The following ARX variants were observed in gnomAD, a reference collection of about 807,000 sequenced individuals.
ARX encodes homeobox protein ARX.
A neutral mutation model predicts 23.1 loss-of-function variants in ARX; 1 was observed. The observed-to-expected ratio is 0.04, with a 90% CI of 0.02 to 0.21. ARX has a LOEUF of 0.21. ARX is among the 10% of genes least tolerant of loss of function. The pLI, the probability that ARX is intolerant of heterozygous loss-of-function variation, is 1.00. For synonymous variants in ARX, 301 were observed against 270.1 expected (o/e 1.11, Z -1.12); for missense variants, 380 against 527.5 (o/e 0.72, Z 2.74).
Position 25,013,525 on chromosome X carries a change from T to C in ARX, c.470A>G (p.Asp157Gly). ...AAAAAAAAAW[D>G]TLKISQAPQV... is the part of the protein sequence containing the mutation. ...CGGCGCCTGGCTGATCTTGAGCGTG[T>C]CCCAGGCCGCGGCGGCCGCGGCCGC... Residue 157 changes from aspartate to glycine, a missense_variant, in exon 2 of 5, where the codon GAC becomes GGC. Transcript: ENST00000379044. 2 of 785,394 alleles carry C rather than the reference T, an allele frequency of 2.5e-6. No individual in the cohort carries two copies. The highest frequency in any genetic ancestry group is 3.0e-6 in the Non-Finnish European group (2 of 659,394). The allele number at this position is 785,394 out of a possible 1,213,427, so 64.7% of individuals were successfully genotyped here. A position where few individuals can be genotyped will look rare whatever the true frequency, so the allele number is the denominator to read the frequency against.
At chrX:25,012,812 C>A in intron 2 of ARX, 110 bp downstream of exon 2, 1 of 1,150,813 alleles carries the variant, frequency 8.7e-7, no homozygotes. Context: ...CCACAGAGTC[C>A]AGGAGCCAAG....
rs774538294 is a variant in ARX, at chrX:25,007,233, C to T, written c.1326G>A (p.Pro442=). 7.1e-6 allele frequency: 8 copies of T among 1,134,282 alleles called. No homozygotes were observed. The Middle Eastern group carries it at 1.0e-3, about 142-fold the overall frequency. The allele number at this position is 1,134,282 out of a possible 1,213,427, so 93.5% of individuals were successfully genotyped here. A position where few individuals can be genotyped will look rare whatever the true frequency, so the allele number is the denominator to read the frequency against. The part of the protein sequence containing the change: ...AAAAAAAAAF[P]SLPPPPGSAS... Reference sequence around the variant, plus strand: ...CCGAGCCCGGAGGCGGAGGTAGGCTCGGGAAGGCGGCGGCGGCGGCGGCGG... The same window carrying T: ...CCGAGCCCGGAGGCGGAGGTAGGCTTGGGAAGGCGGCGGCGGCGGCGGCGG... The change falls in exon 4 of 5, where the codon CCG becomes CCA. Residue 442 remains proline, a synonymous_variant. Coordinates refer to ENST00000379044, the MANE Select transcript of ARX (RefSeq NM_139058.3).
intron 2 of ARX, among the ~76,000 whole-genome samples, chrX:25,010,947 C>T (rs7058318): frequency 0.018 from 2,018 of 111,140 alleles, 46 homozygotes; most frequent in African/African-American, 0.063. Context: ...CAAAATTCTG[C>T]GCACCTCCTG....
At chrX:25,015,225 A>AC (rs2048721672) in intron 1 of ARX, among the ~76,000 whole-genome samples, 1 of 111,867 alleles carries the variant, frequency 8.9e-6, no homozygotes, top group South Asian at 3.8e-4. Flanking sequence ...CCGGCCATCT[A>AC]CTGTTTCTGA....
intron 2 of ARX, among the ~76,000 whole-genome samples, chrX:25,011,351 C>T (rs929197936): frequency 9.0e-6 from 1 of 111,424 alleles, no homozygotes; most frequent in African/African-American, 3.3e-5. Context: ...GGGCTCAAAC[C>T]CCTGGGTTGG....
At chrX:25,010,557 A>T (rs1402278232) in intron 2 of ARX, among the ~76,000 whole-genome samples, 2 of 111,368 alleles carry the variant, frequency 1.8e-5, no homozygotes, top group Non-Finnish European at 3.8e-5. Context: ...TTCGTGTGTG[A>T]CAACCAAGGG....
At position 25,013,768 on chromosome X, in the gene ARX, T is replaced by C. The variant is rs2147324478; in HGVS notation, c.227A>G (p.Glu76Gly). 1.1e-6 allele frequency: 1 copy of C among 928,947 alleles called. No individual in the cohort carries two copies. The highest frequency in any genetic ancestry group is 1.3e-6 in the Non-Finnish European group (1 of 750,125). The allele number at this position is 928,947 out of a possible 1,213,427, so 76.6% of individuals were successfully genotyped here. The change falls in exon 2 of 5, where the codon GAG (glutamate) becomes GGG (glycine). Residue 76 changes from glutamate (E) to glycine (G), a missense_variant. Glu to Gly is a moderately conservative substitution (Grantham distance 98). Coordinates refer to ENST00000379044, the MANE Select transcript of ARX (RefSeq NM_139058.3). ...CTTGGGCGGCAGGTGCAGCTCGGCC[T>C]CGAACGGGGCGCTGCTGCTCTTAGG... ...GSPKSSSAPF[E>G]AELHLPPKLR...
rs2048725544 is a variant in ARX at position 25,015,889 on chromosome X, C to A, written c.-152G>T. ...TGTGCCTTTCTGCCTCCCTTGGTTG[C>A]CGGCTGCCGGCTCCCGCCCTGCCCG... is the stretch of plus-strand genomic sequence containing the variant. On this transcript the variant is annotated 5_prime_UTR_variant, in exon 1 of 5. Coordinates refer to ENST00000379044, the MANE Select transcript of ARX (RefSeq NM_139058.3). 1.6e-6 allele frequency: 1 copy of A among 634,515 alleles called. No homozygotes were observed. The highest frequency in any genetic ancestry group is 2.5e-6 in the Non-Finnish European group (1 of 406,922). The allele number at this position is 634,515 out of a possible 1,213,427, so 52.3% of individuals were successfully genotyped here.
At position 25,013,659 on chromosome X, in the gene ARX, TGCCGCCGCCGCCGCCGCCGCC is replaced by T. The variant is rs387906492; in HGVS notation, c.315_335del (p.Ala109_Ala115del). On this transcript the variant is annotated inframe_deletion, in exon 2 of 5. Coordinates refer to ENST00000379044, the MANE Select transcript of ARX (RefSeq NM_139058.3). Reference sequence around the variant, plus strand: ...GACCCGCCGTGGCCGTGGCGGCCGCTGCCGCCGCCGCCGCCGCCGCCGCCGCCGCCGCTGCCGCACCCTGAA... The same window carrying T: ...GACCCGCCGTGGCCGTGGCGGCCGCTGCCGCCGCCGCTGCCGCACCCTGAA... 1.3e-6 allele frequency: 1 copy of T among 772,467 alleles called. No individual in the cohort carries two copies. The highest frequency in any genetic ancestry group is 1.5e-6 in the Non-Finnish European group (1 of 654,316). The allele number at this position is 772,467 out of a possible 1,213,427, so 63.7% of individuals were successfully genotyped here.
intron 1 of ARX, 39 bp downstream of exon 1, chrX:25,015,503 C>G (rs2048723001): frequency 2.5e-6 from 3 of 1,195,823 alleles, no homozygotes; most frequent in South Asian, 1.8e-5. Context: ...AAATCAGGGC[C>G]CAATGCCCTT....
intron 2 of ARX, among the ~76,000 whole-genome samples, chrX:25,011,461 G>A (rs1010363575): frequency 1.1e-4 from 12 of 113,310 alleles, no homozygotes. Flanking sequence ...AAGGGCGGAC[G>A]TGGATGCCAA....
intron 2 of ARX, among the ~76,000 whole-genome samples, chrX:25,012,552 C>T (rs1369258900): frequency 8.8e-6 from 1 of 113,101 alleles, no homozygotes; most frequent in Non-Finnish European, 1.9e-5. Flanking sequence ...GGGACCGCAG[C>T]TCCGGAGGCC....
At chrX:25,005,010 C>T (rs1216532958) in intron 4 of ARX, 100 bp from the exon 5 acceptor site, 9 of 1,010,424 alleles carry the variant, frequency 8.9e-6, no homozygotes, top group Admixed American at 5.1e-5. Context: ...CTGAGGGGCG[C>T]GGTACCCACG....
At chrX:25,014,479 G>A (rs2048717729) in intron 1 of ARX, among the ~76,000 whole-genome samples, 1 of 112,965 alleles carries the variant, frequency 8.9e-6, no homozygotes, top group Non-Finnish European at 1.9e-5. Flanking sequence ...CGGCCCTGTG[G>A]CCCCAAGTGC....
Position 25,004,867 on chromosome X carries a change from C to T in ARX, c.1492G>A (p.Ala498Thr). 8.7e-7 allele frequency: 1 copy of T among 1,148,025 alleles called. No homozygotes were observed. Among genetic ancestry groups the T allele is most frequent in the Admixed American group, 2.7e-5 (1 of 36,548 alleles). The allele number at this position is 1,148,025 out of a possible 1,213,427, so 94.6% of individuals were successfully genotyped here. A position where few individuals can be genotyped will look rare whatever the true frequency, so the allele number is the denominator to read the frequency against. Residue 498 changes from alanine to threonine, a missense_variant, in exon 5 of 5, where the codon GCC becomes ACC. Physicochemically the swap from Ala to Thr is moderately conservative, Grantham distance 58. Around this residue, in one of 3 missense-constraint regions of ARX, gnomAD observed 121 missense variants for 169.7 expected, o/e 0.71. Coordinates refer to ENST00000379044, the MANE Select transcript of ARX (RefSeq NM_139058.3). Reference protein sequence around the residue: ...MAPLTSASTAAALLRQPTPAV... With the variant: ...MAPLTSASTATALLRQPTPAV... ...GGTGTGGGCTGTCTCAGGAGCGCGGCCGCGGTCGACGCGCTGGTCAGGGGG... is the reference window on the plus strand; with the variant it reads ...GGTGTGGGCTGTCTCAGGAGCGCGGTCGCGGTCGACGCGCTGGTCAGGGGG...
intron 3 of ARX, 54 bp from the exon 4 acceptor site, chrX:25,007,493 G>A: frequency 8.9e-7 from 1 of 1,129,126 alleles, no homozygotes. Flanking sequence ...CGGGCGCACC[G>A]GGCCCCTACC....
In ARX at chrX:25,004,563, T is replaced by C; in HGVS notation, c.*107A>G. On this transcript the variant is annotated 3_prime_UTR_variant, in exon 5 of 5. Transcript: ENST00000379044. Reference sequence around the variant, plus strand: ...TGTGAAGGCGGCTGCGCTCTCTCAGTGCCGTCTCGGGAGTGTGCTGGTCCT... The same window carrying C: ...TGTGAAGGCGGCTGCGCTCTCTCAGCGCCGTCTCGGGAGTGTGCTGGTCCT... 1 of 1,128,464 alleles carries C rather than the reference T, an allele frequency of 8.9e-7. No homozygotes were observed. The highest frequency in any genetic ancestry group is 1.2e-6 in the Non-Finnish European group (1 of 849,423). 93.0% of individuals were successfully genotyped at this position (1,128,464 alleles called of 1,213,427 possible).
chrX:25,010,263 G>T lies in ARX; in HGVS notation c.1116C>A (p.Val372=), dbSNP rs1456084751. 1 of 1,203,458 alleles carries T rather than the reference G, an allele frequency of 8.3e-7. No homozygotes were observed. The highest frequency in any genetic ancestry group is 3.0e-5 in the East Asian group (1 of 33,527). The part of the protein sequence containing the change: ...AMRLDLTEAR[V]QVWFQNRRAK... ...TTCCCTCTGTTGTGCAGCTCACCTGGACTCGGGCCTCGGTCAAGTCCAGCC... is the reference window on the plus strand; with the variant it reads ...TTCCCTCTGTTGTGCAGCTCACCTGTACTCGGGCCTCGGTCAAGTCCAGCC... Residue 372 remains valine, a synonymous_variant, in exon 3 of 5, where the codon GTC becomes GTA. Transcript: ENST00000379044.
intron 4 of ARX, chrX:25,006,481 T>C (rs1054774807): frequency 4.4e-5 from 5 of 112,804 alleles, no homozygotes; most frequent in African/African-American, 1.6e-4. Context: ...ACTTTTTATT[T>C]CCTCATTCGA....
Sources: allele counts gnomAD v4.1 joint callset (sites outside exome capture counted in the v4.1 genomes callset), GRCh38; gene constraint gnomAD v4.1.1; regional missense constraint gnomAD v4.1.1; transcripts MANE v1.5; gene names NCBI Gene and HGNC (gene_info 2026-07-23, HGNC 2026-07-21).